The following KCNJ14 variants were observed in gnomAD, a reference collection of about 807,000 sequenced individuals.
The protein encoded by KCNJ14 is ATP-sensitive inward rectifier potassium channel 14.
Under a neutral mutation model 24.5 loss-of-function variants are expected in KCNJ14, and 18 were observed. The observed-to-expected ratio is 0.74, with a 90% CI of 0.51 to 1.09. KCNJ14 has a LOEUF of 1.09. KCNJ14 is among the 50% of genes least tolerant of loss of function. The pLI is 0.00. For synonymous variants in KCNJ14, 288 were observed against 270.8 expected, an observed-to-expected ratio of 1.06 and a Z score of -0.63; for missense variants, 633 against 623.0, an observed-to-expected ratio of 1.02 and a Z score of -0.17.
Position 48,464,228 on chromosome 19 carries a change from T to C in KCNJ14, c.762T>C (p.Asp254=). ...AGTACATCCCGCTGGACCACCAGGATGTGGATGTGGGCTTTGATGGAGGCA... is the reference window on the plus strand; with the variant it reads ...AGTACATCCCGCTGGACCACCAGGACGTGGATGTGGGCTTTGATGGAGGCA... ...EGEYIPLDHQ[D]VDVGFDGGTD... Residue 254 remains aspartate (D), a synonymous_variant, in exon 3 of 3, where the codon GAT becomes GAC. Transcript: ENST00000342291. 6.2e-7 allele frequency: 1 copy of C among 1,614,140 alleles called. No homozygotes were observed. The highest frequency in any genetic ancestry group is 8.5e-7 in the Non-Finnish European group (1 of 1,180,022).
Position 48,461,938 on chromosome 19 carries a change from C to T in KCNJ14, c.214C>T (p.Arg72Cys), listed in dbSNP as rs1352677329. 2 of 1,612,212 alleles carry T rather than the reference C, an allele frequency of 1.2e-6. No individual in the cohort carries two copies. Among genetic ancestry groups the T allele is most frequent in the Admixed American group, 1.7e-5 (1 of 59,884 alleles). The change falls in exon 2 of 3, where the codon CGC (arginine) becomes TGC (cysteine). Residue 72 changes from arginine (R) to cysteine (C), a missense_variant. Physicochemically the swap from Arg to Cys is radical, Grantham distance 180. Coordinates refer to ENST00000342291, the MANE Select transcript of KCNJ14 (RefSeq NM_013348.4). ...CGTAAACCTGGGTGGCCAGGGCGCGCGCTACCTGAGCGACCTGTTCACCAC... is the reference window on the plus strand; with the variant it reads ...CGTAAACCTGGGTGGCCAGGGCGCGTGCTACCTGAGCGACCTGTTCACCAC... ...RFVNLGGQGA[R>C]YLSDLFTTCV...
intron 1 of KCNJ14, among the ~76,000 whole-genome samples, chr19:48,459,189 G>A (rs1206974230): frequency 1.4e-5 from 2 of 147,044 alleles, no homozygotes; most frequent in Admixed American, 6.9e-5. Context: ...GCAGTGAGCC[G>A]AGATGGCGCC....
chr19:48,462,384 C>A lies in KCNJ14; in HGVS notation c.660C>A (p.Gly220=). 6.6e-7 allele frequency: 1 copy of A among 1,525,512 alleles called. No homozygotes were observed. The highest frequency in any genetic ancestry group is 1.2e-5 in the South Asian group (1 of 81,686). The allele number at this position is 1,525,512 out of a possible 1,614,324, so 94.5% of individuals were successfully genotyped here. Residue 220 remains glycine (G), a synonymous_variant, in exon 2 of 3, where the codon GGC becomes GGA. Transcript: ENST00000342291. The surrounding 1 kb of genome is among the most constrained non-coding windows in gnomAD (Gnocchi z 4.9). ...DHRLCLMWRV[G]NLRRSHLVEA... ...GCCTCTGCCTCATGTGGCGCGTCGGCAACCTGCGCCGCAGCCACCTGGTCG... is the reference window on the plus strand; with the variant it reads ...GCCTCTGCCTCATGTGGCGCGTCGGAAACCTGCGCCGCAGCCACCTGGTCG...
rs909988883 is a variant in KCNJ14 at position 48,455,674 on chromosome 19, G to A, written c.-240G>A. On this transcript the variant is annotated 5_prime_UTR_variant, in exon 1 of 3. Coordinates refer to ENST00000342291, the MANE Select transcript of KCNJ14 (RefSeq NM_013348.4). The stretch of plus-strand genomic sequence containing the variant: ...GAAGTAGACAACGGGTCTGCCTCAC[G>A]GGGCTGAGGTGGGACTGGAGGATTT... 3.9e-5 allele frequency: 6 copies of A among 152,360 alleles called. No individual in the cohort carries two copies. Among genetic ancestry groups the A allele is most frequent in the East Asian group, 3.9e-4 (2 of 5,176 alleles). The allele number at this position is 152,360 out of a possible 1,614,324, so 9.4% of individuals were successfully genotyped here.
intron 1 of KCNJ14, among the ~76,000 whole-genome samples, chr19:48,458,568 C>T (rs1202777565): frequency 6.6e-6 from 1 of 152,108 alleles, no homozygotes; most frequent in African/African-American, 2.4e-5. Flanking sequence ...CACCACCAGG[C>T]CCGGCTAATT....
At chr19:48,458,683 T>A (rs1344232471) in intron 1 of KCNJ14, among the ~76,000 whole-genome samples, 1 of 152,128 alleles carries the variant, frequency 6.6e-6, no homozygotes, top group East Asian at 1.9e-4. Flanking sequence ...GTGTTAGGAT[T>A]ACAGGCGTGA....
chr19:48,464,769 C>T lies in KCNJ14; in HGVS notation c.1303C>T (p.Pro435Ser), dbSNP rs147779902. Residue 435 changes from proline to serine, a missense_variant, in exon 3 of 3, where the codon CCT becomes TCT. By Grantham distance (74) the Pro-to-Ser change is moderately conservative (BLOSUM62 -1). Coordinates refer to ENST00000342291, the MANE Select transcript of KCNJ14 (RefSeq NM_013348.4). ...CACACCAACCCTGGCGCTGACCCTG[C>T]CTCCATGATGCAAACTGATGTCCCC... The part of the protein sequence containing the change: ...VLTPTLALTL[P>S]P The T allele has an allele frequency of 6.9e-6, 11 of 1,600,904 alleles. No homozygotes were observed. In the African/African-American group the frequency reaches 1.2e-4, roughly 17 times the overall value.
At position 48,462,309 on chromosome 19, in the gene KCNJ14, C is replaced by T. The variant is rs1354499722; in HGVS notation, c.585C>T (p.Asn195=). 6.5e-7 allele frequency: 1 copy of T among 1,548,002 alleles called. No individual in the cohort carries two copies. The highest frequency in any genetic ancestry group is 1.4e-5 in the African/African-American group (1 of 73,234). The part of the protein sequence containing the change: ...MAKMAKPKKR[N]ETLVFSENAV... ...AGATGGCCAAACCCAAGAAGCGCAA[C>T]GAGACGCTGGTCTTCAGCGAGAACG... The change falls in exon 2 of 3, where the codon AAC becomes AAT. Residue 195 remains asparagine, a synonymous_variant. Transcript: ENST00000342291. This position sits in a 1 kb window ranked among gnomAD's most constrained non-coding sequence, Gnocchi z 4.9.
At position 48,464,376 on chromosome 19, in the gene KCNJ14, G is replaced by C. The variant is rs1971633517; in HGVS notation, c.910G>C (p.Glu304Gln). The C allele has an allele frequency of 6.2e-7, 1 of 1,613,118 alleles. No individual in the cohort carries two copies. The highest frequency in any genetic ancestry group is 1.1e-5 in the South Asian group (1 of 90,854). ...RADFELVVIL[E>Q]GMVEATAMTT... is the part of the protein sequence containing the mutation. ...TGACTTTGAGCTGGTGGTCATTCTC[G>C]AGGGGATGGTTGAGGCCACAGCCAT... The change falls in exon 3 of 3, where the codon GAG (glutamate) becomes CAG (glutamine). Residue 304 changes from glutamate to glutamine, a missense_variant. Transcript: ENST00000342291.
At chr19:48,460,622 G>C (rs1971584734) in intron 1 of KCNJ14, among the ~76,000 whole-genome samples, 2 of 152,188 alleles carry the variant, frequency 1.3e-5, no homozygotes, top group South Asian at 4.1e-4. Flanking sequence ...TGCCTCATAG[G>C]CTTGCTCTGA....
Position 48,465,525 on chromosome 19 carries a change from T to C in KCNJ14, c.*748T>C, listed in dbSNP as rs1971646569. The C allele has an allele frequency of 6.6e-6, 1 of 152,404 alleles. No individual in the cohort carries two copies. Among genetic ancestry groups the C allele is most frequent in the Admixed American group, 6.5e-5 (1 of 15,282 alleles). The allele number at this position is 152,404 out of a possible 1,614,324, so 9.4% of individuals were successfully genotyped here. A position where few individuals can be genotyped will look rare whatever the true frequency, so the allele number is the denominator to read the frequency against. On this transcript the variant is annotated 3_prime_UTR_variant, in exon 3 of 3. Coordinates refer to ENST00000342291, the MANE Select transcript of KCNJ14 (RefSeq NM_013348.4). ...GGTTTAGAAAGACTGAAGTGACAGA[T>C]TAAGAGTTCTTGATATTAGATAACT...
intron 1 of KCNJ14, among the ~76,000 whole-genome samples, chr19:48,459,317 G>A (rs921070012): frequency 8.6e-5 from 13 of 151,156 alleles, no homozygotes; most frequent in African/African-American, 2.4e-4. Flanking sequence ...TCTTTATATA[G>A]TCTAGATACA....
At chr19:48,457,851 A>C (rs1971555763) in intron 1 of KCNJ14, among the ~76,000 whole-genome samples, 1 of 151,768 alleles carries the variant, frequency 6.6e-6, no homozygotes, top group Non-Finnish European at 1.5e-5. Flanking sequence ...TACCCGGCTA[A>C]TTTTTGTTAT....
Position 48,462,807 on chromosome 19 carries a change from T to A in KCNJ14, c.714+369T>A, listed in dbSNP as rs1971615885. On this transcript the variant is annotated intron_variant, in intron 2 of 2. Transcript: ENST00000342291. This position sits in a 1 kb window ranked among gnomAD's most constrained non-coding sequence, Gnocchi z 4.9. ...AAGATGGGGTGGCCTCAGATGCAGC[T>A]TTGCGAGGGGGTGGTGGAGGGCCTG... Among the ~76,000 whole-genome samples the A allele has an allele frequency of 6.6e-6, 1 of 152,102 alleles. No homozygotes were observed. The highest frequency in any genetic ancestry group is 1.5e-5 in the Non-Finnish European group (1 of 67,996).
chr19:48,457,472 C>A (rs1314187585), intron 1 of KCNJ14, among the ~76,000 whole-genome samples: 1 of 152,212 alleles, frequency 6.6e-6, no homozygotes, highest in East Asian at 1.9e-4. Flanking sequence ...CCTTCCTGGT[C>A]TTTTAAGAAG....
At chr19:48,458,011 A>G (rs1289570446) in intron 1 of KCNJ14, among the ~76,000 whole-genome samples, 2 of 152,192 alleles carry the variant, frequency 1.3e-5, no homozygotes, top group South Asian at 2.1e-4. Flanking sequence ...AGGTTTATCC[A>G]TGTTGTTGCA....
chr19:48,462,639 T>C lies in KCNJ14; in HGVS notation c.714+201T>C, dbSNP rs1449737149. Among the ~76,000 whole-genome samples, 7 of 152,226 alleles carry C rather than the reference T, an allele frequency of 4.6e-5. No individual in the cohort carries two copies. Among genetic ancestry groups the C allele is most frequent in the African/African-American group, 1.4e-4 (6 of 41,450 alleles). Reference sequence around the variant, plus strand: ...AGAAAGGTATGTGACCAGCTCTTCCTGGAGGCCTGGATTTGGGGCATACAG... The same window carrying C: ...AGAAAGGTATGTGACCAGCTCTTCCCGGAGGCCTGGATTTGGGGCATACAG... On this transcript the variant is annotated intron_variant, in intron 2 of 2. Transcript: ENST00000342291. This position sits in a 1 kb window ranked among gnomAD's most constrained non-coding sequence, Gnocchi z 4.9.
intron 1 of KCNJ14, among the ~76,000 whole-genome samples, chr19:48,457,268 G>A (rs1971549484): frequency 6.6e-6 from 1 of 152,080 alleles, no homozygotes; most frequent in African/African-American, 2.4e-5. Flanking sequence ...GAGCCACCAT[G>A]CCCAGCCCCC....
At position 48,466,401 on chromosome 19, in the gene KCNJ14, A is replaced by G. The variant is rs913769630; in HGVS notation, c.*1624A>G. The G allele has an allele frequency of 6.6e-6, 1 of 151,712 alleles. No homozygotes were observed. Among genetic ancestry groups the G allele is most frequent in the African/African-American group, 2.4e-5 (1 of 41,352 alleles). 9.4% of individuals were successfully genotyped at this position (151,712 alleles called of 1,614,324 possible). A position where few individuals can be genotyped will look rare whatever the true frequency, so the allele number is the denominator to read the frequency against. On this transcript the variant is annotated 3_prime_UTR_variant, in exon 3 of 3. Coordinates refer to ENST00000342291, the MANE Select transcript of KCNJ14 (RefSeq NM_013348.4). ...AGCCGTGTGTCTGTTTCTTAAAGAT[A>G]TTATACATATGTATATTATATATAT...
Sources: gnomAD v4.1 joint callset for allele counts (sites outside exome capture counted in the v4.1 genomes callset) on GRCh38, gnomAD v4.1.1 for gene constraint, Gnocchi (gnomAD v3.1) non-coding constraint, MANE v1.5 for transcripts, NCBI Gene and HGNC (gene_info 2026-07-23, HGNC 2026-07-21) for gene names.